ZFHX3: variants seen among roughly 807,000 people sequenced by gnomAD.
ZFHX3 encodes zinc finger homeobox protein 3.
Under a neutral mutation model 279.1 loss-of-function variants are expected in ZFHX3, and 42 were observed. That is an observed-to-expected ratio of 0.15 (90% CI 0.12 to 0.19). The LOEUF (loss-of-function observed/expected upper bound fraction) is 0.19. Ranked by LOEUF, ZFHX3 falls within the 10% of genes least tolerant of loss-of-function variation. ZFHX3 has a pLI of 1.00. For synonymous variants in ZFHX3, 2,293 were observed against 1,957.8 expected (o/e 1.17, Z -4.52); for missense variants, 4,981 against 4,754.0 (o/e 1.05, Z -1.40).
chr16:73,668,305 T>C (rs2052866295), intron 2 of ZFHX3, among the ~76,000 whole-genome samples: 1 of 152,086 alleles, frequency 6.6e-6, no homozygotes, highest in Non-Finnish European at 1.5e-5. Context: ...CTTTGTATTT[T>C]CTTTTTTTTT....
At chr16:73,501,047 T>C (rs550920188) in intron 2 of ZFHX3, among the ~76,000 whole-genome samples, 1 of 152,366 alleles carries the variant, frequency 6.6e-6, no homozygotes, top group East Asian at 1.9e-4. Context: ...GGTACCACTT[T>C]TTAATCTTTT....
intron 1 of ZFHX3, among the ~76,000 whole-genome samples, chr16:73,726,593 T>C (rs1445664153): frequency 1.3e-5 from 2 of 152,194 alleles, no homozygotes; most frequent in East Asian, 1.9e-4. Context: ...CTGAAGGCTA[T>C]ATAAGCACGG....
At chr16:72,836,864 A>G (rs575493916) in intron 4 of ZFHX3, among the ~76,000 whole-genome samples, 1 of 152,198 alleles carries the variant, frequency 6.6e-6, no homozygotes, top group South Asian at 2.1e-4. Flanking sequence ...TGTGTGTGGG[A>G]GGGTGGGGGC....
intron 1 of ZFHX3, among the ~76,000 whole-genome samples, chr16:73,712,064 C>T (rs2053368307): frequency 6.6e-6 from 1 of 152,208 alleles, no homozygotes; most frequent in African/African-American, 2.4e-5. Context: ...TCTCTTTATA[C>T]CTGTGGCTCA....
chr16:72,867,117 C>T (rs868411717), intron 4 of ZFHX3, among the ~76,000 whole-genome samples: 1 of 152,148 alleles, frequency 6.6e-6, no homozygotes, highest in African/African-American at 2.4e-5. Flanking sequence ...AGTGTCAAGT[C>T]TCACTAAGCC....
intron 1 of ZFHX3, among the ~76,000 whole-genome samples, chr16:73,701,555 T>C (rs2053246618): frequency 6.6e-6 from 1 of 152,236 alleles, no homozygotes; most frequent in African/African-American, 2.4e-5. Context: ...ATTTTTCTTT[T>C]TATTATTTCA....
At chr16:73,870,204 C>T (rs1331718966) in intron 1 of ZFHX3, among the ~76,000 whole-genome samples, 1 of 152,144 alleles carries the variant, frequency 6.6e-6, no homozygotes, top group Non-Finnish European at 1.5e-5. Context: ...TCAAGGTTTG[C>T]TGTTTGCATT....
At chr16:72,890,806 A>C (rs1183829398) in intron 3 of ZFHX3, among the ~76,000 whole-genome samples, 1 of 152,270 alleles carries the variant, frequency 6.6e-6, no homozygotes, top group African/African-American at 2.4e-5. Flanking sequence ...ATTGGAACAC[A>C]GCCACGTCCA....
intron 7 of ZFHX3, chr16:72,805,861 C>T (rs1419081593): frequency 6.6e-6 from 1 of 152,094 alleles, no homozygotes; most frequent in Non-Finnish European, 1.5e-5. Context: ...AAAGGCTCAG[C>T]TTCTTCTCTC....
chr16:73,656,611 C>T (rs1468562278), intron 2 of ZFHX3, among the ~76,000 whole-genome samples: 3 of 152,022 alleles, frequency 2.0e-5, no homozygotes, highest in Non-Finnish European at 4.4e-5. Flanking sequence ...GGGGTGTGTG[C>T]CTGTGTTTTA....
intron 3 of ZFHX3, among the ~76,000 whole-genome samples, chr16:73,383,553 A>T (rs1056576114): frequency 6.6e-6 from 1 of 152,222 alleles, no homozygotes; most frequent in African/African-American, 2.4e-5. Context: ...GGAAGAGAAT[A>T]GCATCACCGC....
At chr16:73,747,538 T>C (rs995038365) in intron 1 of ZFHX3, among the ~76,000 whole-genome samples, 2 of 152,180 alleles carry the variant, frequency 1.3e-5, no homozygotes, top group Middle Eastern at 3.2e-3. Context: ...GAACCTAGCA[T>C]ACCCTGACTA....
intron 1 of ZFHX3, among the ~76,000 whole-genome samples, chr16:73,695,232 G>GTTTT (rs1409367239): frequency 4.0e-4 from 31 of 77,934 alleles, no homozygotes; most frequent in Non-Finnish European, 6.0e-4. Flanking sequence ...TTCAAATACA[G>GTTTT]TTTTTTTTTG....
At chr16:73,401,716 GTTA>G (rs2017259609) in intron 3 of ZFHX3, 1 of 152,120 alleles carries the variant, frequency 6.6e-6, no homozygotes, top group Non-Finnish European at 1.5e-5. Context: ...AAAATTCAAA[GTTA>G]TTATTATTTC....
At chr16:73,003,563 G>A (rs1326933314) in intron 1 of ZFHX3, among the ~76,000 whole-genome samples, 1 of 141,518 alleles carries the variant, frequency 7.1e-6, no homozygotes, top group South Asian at 2.2e-4. Flanking sequence ...AAAATTAGCT[G>A]GGAGTGATGG....
Position 73,856,309 on chromosome 16 carries a change from A to C in ZFHX3, c.-1608+35342T>G, listed in dbSNP as rs555313442. ...AGCATGTCTCACCTTGATAATAAGA[A>C]AAAAGAAACAATAAAAATTTTAAAT... On this transcript the variant is annotated intron_variant, in intron 1 of 17. Coordinates refer to the ZFHX3 transcript ENST00000641206. 9.8e-5 allele frequency among the ~76,000 whole-genome samples: 15 copies of C among 152,322 alleles called. No homozygotes were observed. The East Asian group carries it at 2.1e-3, about 22-fold the overall frequency.
intron 1 of ZFHX3, among the ~76,000 whole-genome samples, chr16:73,708,405 T>G (rs2053326095): frequency 6.6e-6 from 1 of 152,164 alleles, no homozygotes; most frequent in Non-Finnish European, 1.5e-5. Flanking sequence ...TCCCAAATGA[T>G]GTTGTATGAC....
intron 5 of ZFHX3, among the ~76,000 whole-genome samples, chr16:73,170,223 GTT>G (rs1156523996): frequency 0.034 from 1,952 of 57,562 alleles, 37 homozygotes; most frequent in African/African-American, 0.14. Flanking sequence ...CCTTTCACTA[GTT>G]TTTTTTTTTT....
chr16:73,446,205 T>C (rs754023899), intron 3 of ZFHX3, among the ~76,000 whole-genome samples: 4 of 152,148 alleles, frequency 2.6e-5, no homozygotes, highest in African/African-American at 4.8e-5. Flanking sequence ...CTCTGGAACA[T>C]GGATGGAGCT....
Sources: allele counts gnomAD v4.1 joint callset (sites outside exome capture counted in the v4.1 genomes callset), GRCh38; gene constraint gnomAD v4.1.1; transcripts MANE v1.5; gene names NCBI Gene and HGNC (gene_info 2026-07-23, HGNC 2026-07-21).